The following PATJ variants were observed in gnomAD, a reference collection of about 807,000 sequenced individuals.
PATJ encodes the protein PATJ crumbs cell polarity complex component.
PATJ carries 190 observed loss-of-function variants against 224.9 expected under a neutral mutation model. That is an observed-to-expected ratio of 0.84 (90% CI 0.75 to 0.95). The LOEUF is 0.95. Among genes scored for constraint, PATJ ranks in the 40% least tolerant of loss-of-function variants. The probability of loss-of-function intolerance (pLI) is 0.00; values close to 1 mark genes in which losing one functional copy is unlikely to be tolerated. For synonymous variants in PATJ, 769 were observed against 820.3 expected (o/e 0.94, Z 1.07); for missense variants, 2,121 against 2,270.3 (o/e 0.93, Z 1.34).
intron 14 of PATJ, among the ~76,000 whole-genome samples, chr1:61,818,341 G>A (rs979711640): frequency 2.0e-5 from 3 of 152,172 alleles, no homozygotes; most frequent in Non-Finnish European, 2.9e-5. Flanking sequence ...CTCACAAAAC[G>A]TTGAATAAGC....
chr1:61,991,576 C>A, intron 28 of PATJ: 1 of 985,354 alleles, frequency 1.0e-6, no homozygotes, highest in Non-Finnish European at 1.2e-6. Context: ...GGAAGACCAT[C>A]GCCATCAACT....
rs774762528 is a variant in PATJ at position 61,771,412 on chromosome 1, CT to C, written c.525-15del. 7 of 1,506,154 alleles carry C rather than the reference CT, an allele frequency of 4.6e-6. No individual in the cohort carries two copies. In the African/African-American group the frequency reaches 8.5e-5, roughly 18 times the overall value. The allele number at this position is 1,506,154 out of a possible 1,614,324, so 93.3% of individuals were successfully genotyped here. On this transcript the variant is annotated intron_variant, in intron 5 of 43. Coordinates refer to ENST00000642238, the MANE Select transcript of PATJ (RefSeq NM_001350145.3). ...GGTTATTAGATCACTTAAAAAATTT[CT>C]TTTCTTACATGATTAAGGGATCAAA...
At position 61,787,765 on chromosome 1, in the gene PATJ, C is replaced by T. The variant is rs367975494; in HGVS notation, c.861C>T (p.Leu287=). 6.2e-7 allele frequency: 1 copy of T among 1,613,216 alleles called. No individual in the cohort carries two copies. Among genetic ancestry groups the T allele is most frequent in the African/African-American group, 1.3e-5 (1 of 74,912 alleles). The change falls in exon 8 of 44, where the codon CTC becomes CTT. Residue 287 remains leucine, a synonymous_variant. Coordinates refer to ENST00000642238, the MANE Select transcript of PATJ (RefSeq NM_001350145.3). ...PGGLADRDGR[L]QTGDHILKIG... ...TCTTTTTCTTGAAGGATGGAAGACT[C>T]CAGACAGGGGACCACATCTTGAAGA... is the stretch of plus-strand genomic sequence containing the variant.
intron 25 of PATJ, among the ~76,000 whole-genome samples, chr1:61,910,890 T>C (rs1672535852): frequency 6.6e-6 from 1 of 152,128 alleles, no homozygotes; most frequent in Non-Finnish European, 1.5e-5. Context: ...GAAAGGAGAA[T>C]CAAGTTTCAT....
At chr1:62,120,815 A>G (rs1397517661) in intron 37 of PATJ, 2 of 191,172 alleles carry the variant, frequency 1.0e-5, no homozygotes, top group Non-Finnish European at 2.1e-5. Flanking sequence ...TGTAACCCCA[A>G]ATGAAACATA....
intron 28 of PATJ, among the ~76,000 whole-genome samples, chr1:61,997,388 C>T (rs568396761): frequency 6.6e-6 from 1 of 152,298 alleles, no homozygotes; most frequent in African/African-American, 2.4e-5. Context: ...ACACTAAGTG[C>T]AGTCCTCTGG....
At chr1:61,779,914 G>A (rs1369519010) in intron 7 of PATJ, among the ~76,000 whole-genome samples, 3 of 151,878 alleles carry the variant, frequency 2.0e-5, no homozygotes, top group Non-Finnish European at 2.9e-5. Context: ...GGTGGGTGGG[G>A]GGCAACTCTC....
chr1:61,984,158 A>ATTT (rs1453250650), intron 27 of PATJ, among the ~76,000 whole-genome samples: 9 of 131,520 alleles, frequency 6.8e-5, no homozygotes, highest in South Asian at 2.5e-4. Flanking sequence ...AATTATTATT[A>ATTT]TTATTATTTT....
At chr1:61,793,125 G>A (rs1400389436) in intron 9 of PATJ, among the ~76,000 whole-genome samples, 1 of 151,960 alleles carries the variant, frequency 6.6e-6, no homozygotes, top group East Asian at 1.9e-4. Flanking sequence ...CAGAGGTGGA[G>A]TGCAGTGGCG....
Position 62,021,035 on chromosome 1 carries a change from G to A in PATJ, c.3959+3088G>A, listed in dbSNP as rs536333869. On this transcript the variant is annotated intron_variant, in intron 29 of 43. Transcript: ENST00000642238. ...GTAGAGACAGGGTTTCACTATGTTG[G>A]CCAGGCTGGTCTCAAACTCCTGGCA... is the stretch of plus-strand genomic sequence containing the variant. Among the ~76,000 whole-genome samples the A allele has an allele frequency of 2.6e-5, 4 of 152,050 alleles. No individual in the cohort carries two copies. The South Asian group carries it at 8.3e-4, about 32-fold the overall frequency.
rs572124779 is a variant in PATJ at position 62,054,366 on chromosome 1, A to C, written c.4125+3308A>C. 2.1e-5 allele frequency: 9 copies of C among 438,474 alleles called. No individual in the cohort carries two copies. The East Asian group carries it at 4.3e-4, about 21-fold the overall frequency. 27.2% of individuals were successfully genotyped at this position (438,474 alleles called of 1,614,324 possible). On this transcript the variant is annotated intron_variant, in intron 31 of 43. Transcript: ENST00000642238. ...TGACAGAGTGAAACCCTGTGTCCAA[A>C]AAAAAAAAAGTTATTTTCAGAGCTG...
intron 29 of PATJ, among the ~76,000 whole-genome samples, chr1:62,031,908 A>T (rs989565751): frequency 6.6e-6 from 1 of 152,236 alleles, no homozygotes; most frequent in Non-Finnish European, 1.5e-5. Flanking sequence ...GTACCTGGTA[A>T]GCGGTCAAAT....
intron 29 of PATJ, among the ~76,000 whole-genome samples, chr1:62,033,447 C>A (rs1358580192): frequency 6.6e-6 from 1 of 152,158 alleles, no homozygotes; most frequent in African/African-American, 2.4e-5. Flanking sequence ...TTCTGAACCC[C>A]TGTTTATCCT....
intron 31 of PATJ, chr1:62,073,014 A>T: frequency 2.0e-6 from 2 of 985,192 alleles, no homozygotes; most frequent in Non-Finnish European, 2.4e-6. Flanking sequence ...TGTCTTTTAC[A>T]TTTCAGGAAG....
At chr1:62,024,612 G>A (rs904398791) in intron 29 of PATJ, among the ~76,000 whole-genome samples, 1 of 148,022 alleles carries the variant, frequency 6.8e-6, no homozygotes, top group Non-Finnish European at 1.5e-5. Context: ...TATTTGCCCA[G>A]TGGAATTCCT....
intron 41 of PATJ, among the ~76,000 whole-genome samples, chr1:62,144,788 A>ATATATATATATATATATATATAT: frequency 1.4e-5 from 2 of 144,912 alleles, no homozygotes; most frequent in South Asian, 4.3e-4. Flanking sequence ...ATATATATAT[A>ATATATATATATATATATATATAT]TATATATAAT....
chr1:62,079,280 T>C (rs1218493470), intron 31 of PATJ, among the ~76,000 whole-genome samples, 170 bp from the exon 32 acceptor site: 1 of 152,184 alleles, frequency 6.6e-6, no homozygotes, highest in Non-Finnish European at 1.5e-5. Context: ...TAGGGAAGAA[T>C]GAGGAACGAG....
At chr1:61,985,050 C>G (rs539884593) in intron 27 of PATJ, among the ~76,000 whole-genome samples, 1 of 152,128 alleles carries the variant, frequency 6.6e-6, no homozygotes, top group East Asian at 1.9e-4. Flanking sequence ...TGGTGGCTCA[C>G]GCCTAATAAT....
intron 18 of PATJ, among the ~76,000 whole-genome samples, chr1:61,857,309 C>T (rs1663855578): frequency 6.6e-6 from 1 of 152,178 alleles, no homozygotes; most frequent in Non-Finnish European, 1.5e-5. Context: ...TATTAACTAA[C>T]CTAATCCTTA....
Sources: allele counts gnomAD v4.1 joint callset (sites outside exome capture counted in the v4.1 genomes callset), GRCh38; gene constraint gnomAD v4.1.1; transcripts MANE v1.5; gene names NCBI Gene and HGNC (gene_info 2026-07-23, HGNC 2026-07-21).